RNF170: variants seen among roughly 807,000 people sequenced by gnomAD.
RNF170 encodes E3 ubiquitin-protein ligase RNF170.
In RNF170, 12 loss-of-function variants were observed where a neutral mutation model predicts 32.7. The ratio of observed to expected loss-of-function variants is 0.37; its 90% CI spans 0.24 to 0.60. The LOEUF (loss-of-function observed/expected upper bound fraction) is 0.60, where lower values mean the gene tolerates loss of function less well. Ranked by LOEUF, RNF170 falls within the 20% of genes least tolerant of loss-of-function variation. The pLI is 0.72. For missense variants in RNF170, 212 were observed against 311.2 expected (o/e 0.68, Z 2.40); for synonymous variants, 91 against 103.6 (o/e 0.88, Z 0.74).
At chr8:42,851,437 C>T (rs1415291039), downstream of RNF170, among the ~76,000 whole-genome samples, 1 of 151,620 alleles carries the variant, frequency 6.6e-6, no homozygotes, top group East Asian at 1.9e-4. Flanking sequence ...TGGTGGTGGG[C>T]ATCTGTAGTC....
chr8:42,887,967 A>AT (rs1437058018), intron 1 of RNF170, 96 bp from the exon 2 acceptor site: 18 of 1,197,546 alleles, frequency 1.5e-5, no homozygotes, highest in Non-Finnish European at 2.2e-5. Context: ...CTTCTAATAT[A>AT]TTTGGTTTCT....
Position 42,880,641 on chromosome 8 carries a change from G to T in RNF170, c.138-6635C>A, listed in dbSNP as rs149295328. ...AAAAATTAGCTGGGCATGGTGGTGC[G>T]CACCTGTAATCCCAGCTACTCAGGA... On this transcript the variant is annotated intron_variant, in intron 2 of 6. Coordinates refer to ENST00000527424, the MANE Select transcript of RNF170 (RefSeq NM_030954.4). Among the ~76,000 whole-genome samples, 636 of 152,152 alleles carry T rather than the reference G, an allele frequency of 4.2e-3. 3 individuals are homozygous for T. Among genetic ancestry groups the T allele is most frequent in the African/African-American group, 0.015 (603 of 41,494 alleles).
At chr8:42,879,431 T>C (rs997423141) in intron 2 of RNF170, among the ~76,000 whole-genome samples, 11 of 151,916 alleles carry the variant, frequency 7.2e-5, no homozygotes, top group African/African-American at 2.4e-4. Context: ...GATGGGCAGA[T>C]CATGAGGTCA....
chr8:42,888,775 C>G (rs914975696), intron 1 of RNF170, among the ~76,000 whole-genome samples: 1 of 148,814 alleles, frequency 6.7e-6, no homozygotes, highest in Non-Finnish European at 1.5e-5. Flanking sequence ...CCCAACCTCC[C>G]CACCCCCCAA....
upstream of RNF170, chr8:42,896,663 G>T (rs1278681427): frequency 6.7e-6 from 3 of 450,694 alleles, no homozygotes; most frequent in Non-Finnish European, 1.3e-5. Context: ...GACGGCGGAG[G>T]AGGACCCGTC....
chr8:42,884,205 G>A (rs994701260), intron 2 of RNF170, among the ~76,000 whole-genome samples: 1 of 151,572 alleles, frequency 6.6e-6, no homozygotes, highest in South Asian at 2.1e-4. Flanking sequence ...CTCAGCCTCC[G>A]AGTAGCTAGC....
intron 1 of RNF170, among the ~76,000 whole-genome samples, chr8:42,893,577 G>A (rs1474790307): frequency 6.6e-6 from 1 of 152,168 alleles, no homozygotes; most frequent in Non-Finnish European, 1.5e-5. Context: ...CAGGGGAAGT[G>A]CTTTGCCTTG....
chr8:42,880,445 G>A (rs1209990244), intron 2 of RNF170, among the ~76,000 whole-genome samples: 1 of 152,210 alleles, frequency 6.6e-6, no homozygotes, highest in Non-Finnish European at 1.5e-5. Context: ...GGAAAAGTCA[G>A]TCAATGTGTC....
At chr8:42,885,340 T>A (rs1333632659) in intron 2 of RNF170, among the ~76,000 whole-genome samples, 1 of 152,240 alleles carries the variant, frequency 6.6e-6, no homozygotes, top group South Asian at 2.1e-4. Context: ...TTTCAGCTAC[T>A]GTAAATACTG....
At chr8:42,893,627 A>G (rs1450838194) in intron 1 of RNF170, among the ~76,000 whole-genome samples, 1 of 152,248 alleles carries the variant, frequency 6.6e-6, no homozygotes, top group African/African-American at 2.4e-5. Context: ...GGCATTTAGC[A>G]TACTGCTTGG....
intron 5 of RNF170, among the ~76,000 whole-genome samples, chr8:42,864,106 T>C (rs965156403): frequency 2.0e-4 from 30 of 151,780 alleles, no homozygotes; most frequent in African/African-American, 7.3e-4. Context: ...AATACTTTTT[T>C]TTTTAGTGAT....
At chr8:42,861,252 T>C (rs1280735029) in intron 6 of RNF170, 1 of 152,294 alleles carries the variant, frequency 6.6e-6, no homozygotes, top group African/African-American at 2.4e-5. Flanking sequence ...GAAAGAAAAT[T>C]GTAGTCCTTG....
chr8:42,875,708 C>T (rs1338586005), intron 2 of RNF170, among the ~76,000 whole-genome samples: 1 of 152,118 alleles, frequency 6.6e-6, no homozygotes, highest in Non-Finnish European at 1.5e-5. Flanking sequence ...TCCTGAGTAG[C>T]TGGGATTATG....
chr8:42,883,517 C>T (rs918579726), intron 2 of RNF170, among the ~76,000 whole-genome samples: 9 of 147,198 alleles, frequency 6.1e-5, no homozygotes, highest in East Asian at 6.0e-4. Flanking sequence ...TGCAGTGAGC[C>T]GAGATTGCGC....
chr8:42,869,880 G>T, intron 4 of RNF170, 124 bp downstream of exon 4: 1 of 722,362 alleles, frequency 1.4e-6, no homozygotes. Context: ...GGATATCAGA[G>T]GTAATCTACC....
At chr8:42,879,791 C>G (rs1006488336) in intron 2 of RNF170, among the ~76,000 whole-genome samples, 4 of 151,982 alleles carry the variant, frequency 2.6e-5, no homozygotes, top group Non-Finnish European at 5.9e-5. Flanking sequence ...TCTCGTGCCT[C>G]AGCCTCCCAA....
chr8:42,870,137 T>A, intron 3 of RNF170, 25 bp from the exon 4 acceptor site: 2 of 1,523,724 alleles, frequency 1.3e-6, no homozygotes, highest in Non-Finnish European at 9.1e-7. Context: ...GGTGCACACA[T>A]TGGAACACAA....
chr8:42,881,311 C>T (rs1183139485), intron 2 of RNF170: 1 of 152,170 alleles, frequency 6.6e-6, no homozygotes, highest in African/African-American at 2.4e-5. Flanking sequence ...GAGCCCAGGA[C>T]TTCTAAGCTG....
chr8:42,891,398 T>C (rs1806290833), intron 1 of RNF170, among the ~76,000 whole-genome samples: 1 of 152,070 alleles, frequency 6.6e-6, no homozygotes, highest in Admixed American at 6.6e-5. Flanking sequence ...ATCTCCTCCT[T>C]CTAATTGCTG....
Sources: allele counts gnomAD v4.1 joint callset (sites outside exome capture counted in the v4.1 genomes callset), GRCh38; gene constraint gnomAD v4.1.1; transcripts MANE v1.5; gene names NCBI Gene and HGNC (gene_info 2026-07-23, HGNC 2026-07-21).